The following TENM2 variants were observed in gnomAD, a reference collection of about 807,000 sequenced individuals.
The protein encoded by TENM2 is teneurin transmembrane protein 2.
In TENM2, 52 loss-of-function variants were observed where a neutral mutation model predicts 245.2. That is an observed-to-expected ratio of 0.21 (90% CI 0.17 to 0.27). The LOEUF (loss-of-function observed/expected upper bound fraction) is 0.27, where lower values mean the gene tolerates loss of function less well. TENM2 is among the 10% of genes least tolerant of loss of function. The pLI, the probability that TENM2 is intolerant of heterozygous loss-of-function variation, is 1.00. For synonymous variants in TENM2, 1,363 were observed against 1,438.9 expected, an observed-to-expected ratio of 0.95 and a Z score of 1.19; for missense variants, 3,046 against 3,666.8, an observed-to-expected ratio of 0.83 and a Z score of 4.37.
intron 13 of TENM2, 91 bp from the exon 16 acceptor site, chr5:168,190,246 C>T (rs551796973): frequency 2.3e-5 from 22 of 968,232 alleles, no homozygotes; most frequent in Non-Finnish European, 3.0e-5. Context: ...TGATGCTGCT[C>T]ATGCCTGTGC....
chr5:167,894,460 C>G (rs1324435963), intron 3 of TENM2, among the ~76,000 whole-genome samples: 1 of 51,636 alleles, frequency 1.9e-5, no homozygotes, highest in Admixed American at 2.2e-4. Flanking sequence ...TCTCTCCCCA[C>G]TCTGTGACTA....
exon 5 of TENM2, chr5:167,993,112 C>T (rs772634174): frequency 2.5e-6 from 4 of 1,614,050 alleles, no homozygotes; most frequent in Non-Finnish European, 3.4e-6. Flanking sequence ...AATACTGCAG[C>T]TGGAAATGTG....
At chr5:167,654,449 T>C (rs1402452053) in intron 2 of TENM2, among the ~76,000 whole-genome samples, 1 of 147,968 alleles carries the variant, frequency 6.8e-6, no homozygotes, top group African/African-American at 2.7e-5. Flanking sequence ...ACTTGCTTTA[T>C]CTATTTCTGA....
chr5:167,357,887 C>T (rs1160000612), intron 1 of TENM2, among the ~76,000 whole-genome samples: 1 of 152,182 alleles, frequency 6.6e-6, no homozygotes, highest in African/African-American at 2.4e-5. Flanking sequence ...GAAACCACAT[C>T]TACCATCCAC....
chr5:167,989,755 G>A (rs1004516778), intron 4 of TENM2, among the ~76,000 whole-genome samples: 12 of 152,170 alleles, frequency 7.9e-5, no homozygotes, highest in Non-Finnish European at 1.6e-4. Flanking sequence ...ATGGGGAAAG[G>A]CAAGGGAAAA....
intron 5 of TENM2, among the ~76,000 whole-genome samples, chr5:168,008,700 A>G (rs1785007658): frequency 1.3e-5 from 2 of 152,210 alleles, no homozygotes; most frequent in South Asian, 2.1e-4. Flanking sequence ...GACTATCAAG[A>G]CAAAGAAGAC....
intron 2 of TENM2, among the ~76,000 whole-genome samples, chr5:167,544,268 G>A (rs1772403806): frequency 6.6e-6 from 1 of 152,148 alleles, no homozygotes; most frequent in Admixed American, 6.6e-5. Flanking sequence ...GCCCTGGAGA[G>A]AATTATCAGC....
chr5:166,990,887 T>C, the TENM2 span, among the ~76,000 whole-genome samples: 1 of 152,166 alleles, frequency 6.6e-6, no homozygotes, highest in Admixed American at 6.5e-5. Flanking sequence ...GTTGATGTTG[T>C]TTAGTTGGCA....
chr5:167,922,941 A>G (rs1482347644), intron 3 of TENM2, among the ~76,000 whole-genome samples: 4 of 152,248 alleles, frequency 2.6e-5, no homozygotes, highest in Admixed American at 6.5e-5. Context: ...AATGGCTTAC[A>G]GGCCGAAAAC....
At chr5:168,131,586 G>T (rs1754585441) in intron 12 of TENM2, among the ~76,000 whole-genome samples, 1 of 152,208 alleles carries the variant, frequency 6.6e-6, no homozygotes, top group South Asian at 2.1e-4. Context: ...GTCATCAGAA[G>T]TAGACAGGGT....
At chr5:167,227,073 C>A in the TENM2 span, among the ~76,000 whole-genome samples, 1 of 104,336 alleles carries the variant, frequency 9.6e-6, no homozygotes, top group Non-Finnish European at 1.9e-5. Flanking sequence ...CATCTCTTTA[C>A]TGTGAGTGCA....
At chr5:167,479,241 G>A (rs1372873365) in intron 2 of TENM2, among the ~76,000 whole-genome samples, 2 of 152,104 alleles carry the variant, frequency 1.3e-5, no homozygotes, top group Admixed American at 1.3e-4. Context: ...ATAAGCCTTT[G>A]CTGGATTTTA....
chr5:167,059,348 CA>C, the TENM2 span, among the ~76,000 whole-genome samples: 1 of 152,130 alleles, frequency 6.6e-6, no homozygotes, highest in East Asian at 1.9e-4. Flanking sequence ...TGTTAATTAA[CA>C]GGGGTGATAA....
intron 1 of TENM2, among the ~76,000 whole-genome samples, chr5:167,360,581 T>A (rs1320242359): frequency 1.3e-5 from 2 of 152,186 alleles, no homozygotes; most frequent in Non-Finnish European, 2.9e-5. Flanking sequence ...CAATGTATGT[T>A]AAGAATGAAT....
At chr5:167,029,041 C>A in the TENM2 span, among the ~76,000 whole-genome samples, 2 of 152,046 alleles carry the variant, frequency 1.3e-5, no homozygotes, top group Admixed American at 1.3e-4. Flanking sequence ...TTCTTAATAG[C>A]AAGACATGAA....
At chr5:167,970,441 A>G (rs1461555222) in intron 4 of TENM2, among the ~76,000 whole-genome samples, 5 of 152,254 alleles carry the variant, frequency 3.3e-5, no homozygotes. Context: ...ATGAGGGCTC[A>G]TGATGAGAAA....
At chr5:167,635,577 T>G (rs1779140193) in intron 2 of TENM2, among the ~76,000 whole-genome samples, 1 of 150,544 alleles carries the variant, frequency 6.6e-6, no homozygotes, top group Non-Finnish European at 1.5e-5. Context: ...AAACATTCTC[T>G]GAAATATCAT....
the TENM2 span, among the ~76,000 whole-genome samples, chr5:167,199,446 T>C: frequency 6.6e-6 from 1 of 152,126 alleles, no homozygotes; most frequent in Admixed American, 6.5e-5. Context: ...CCACTGAGTC[T>C]TCCTGGCCCG....
At chr5:168,158,187 T>G (rs1757360125) in intron 12 of TENM2, among the ~76,000 whole-genome samples, 1 of 152,114 alleles carries the variant, frequency 6.6e-6, no homozygotes, top group Non-Finnish European at 1.5e-5. Context: ...CATCCCAAAG[T>G]GGGTTTTTTT....
Sources: gnomAD v4.1 joint callset for allele counts (sites outside exome capture counted in the v4.1 genomes callset) on GRCh38, gnomAD v4.1.1 for gene constraint, MANE v1.5 for transcripts, NCBI Gene and HGNC (gene_info 2026-07-23, HGNC 2026-07-21) for gene names.